Variants in CRISPLD2 observed in about 807,000 individuals in gnomAD.
The protein encoded by CRISPLD2 is cysteine rich secretory protein LCCL domain containing 2.
A neutral mutation model predicts 71.1 loss-of-function variants in CRISPLD2; 47 were observed. The observed-to-expected ratio is 0.66, with a 90% CI of 0.52 to 0.84. The LOEUF is 0.84. Ranked by LOEUF, CRISPLD2 falls within the 40% of genes least tolerant of loss-of-function variation. CRISPLD2 has a pLI of 0.00. For synonymous variants in CRISPLD2, 317 were observed against 250.1 expected (o/e 1.27, Z -2.52); for missense variants, 830 against 651.1 (o/e 1.27, Z -2.99).
At chr16:84,877,550 G>T in intron 12 of CRISPLD2, 40 bp downstream of exon 12, 1 of 1,600,116 alleles carries the variant, frequency 6.2e-7, no homozygotes. Context: ...TATGGAAGAT[G>T]TTAGAAGTAG....
intron 13 of CRISPLD2, among the ~76,000 whole-genome samples, chr16:84,881,687 G>T (rs904724124): frequency 2.0e-5 from 3 of 152,072 alleles, no homozygotes; most frequent in African/African-American, 7.2e-5. Context: ...TGTTGCCCAG[G>T]CTGATCTCGA....
chr16:84,887,365 T>G (rs2071622369), intron 13 of CRISPLD2, among the ~76,000 whole-genome samples: 3 of 152,164 alleles, frequency 2.0e-5, no homozygotes, highest in African/African-American at 7.2e-5. Context: ...GCCTGGGGGC[T>G]CAGTCCACTG....
chr16:84,899,009 C>T (rs955045138), intron 14 of CRISPLD2, among the ~76,000 whole-genome samples: 2 of 152,202 alleles, frequency 1.3e-5, no homozygotes, highest in Non-Finnish European at 2.9e-5. Flanking sequence ...CCTCCCACCT[C>T]AGCCTCCCTA....
chr16:84,900,365 C>G (rs2071742661), intron 14 of CRISPLD2, among the ~76,000 whole-genome samples: 1 of 152,088 alleles, frequency 6.6e-6, no homozygotes, highest in Admixed American at 6.6e-5. Flanking sequence ...TCTGGGGGCT[C>G]TCTTTGTTTG....
Position 84,873,109 on chromosome 16 carries a change from G to A in CRISPLD2, c.1099G>A (p.Val367Met), listed in dbSNP as rs753528852. ...PFFVKSERHG[V>M]QSLSKYKPSS... ...CTTCGTGAAGTCTGAGAGACACGGC[G>A]TGCAGTCCCTCAGGTAACTACTCTG... The change falls in exon 10 of 15, where the codon GTG becomes ATG. Residue 367 changes from valine to methionine, a missense_variant. Coordinates refer to ENST00000262424, the MANE Select transcript of CRISPLD2 (RefSeq NM_031476.4). 64 of 1,613,362 alleles carry A rather than the reference G, an allele frequency of 4.0e-5. No individual in the cohort carries two copies. Among genetic ancestry groups the A allele is most frequent in the Admixed American group, 8.3e-5 (5 of 59,922 alleles).
rs1597490660 is a variant in CRISPLD2 at position 84,905,716 on chromosome 16, T to TG, written c.1440-872_1440-871insG. ...CCTGACCAATAAAGCTCTTTTTTTT[T>TG]TTTTTTTTTGGAGACAAAGTCTTAC... On this transcript the variant is annotated intron_variant, in intron 14 of 14. Coordinates refer to ENST00000262424, the MANE Select transcript of CRISPLD2 (RefSeq NM_031476.4). Among the ~76,000 whole-genome samples the TG allele has an allele frequency of 2.7e-5, 4 of 150,674 alleles. No individual in the cohort carries two copies. In the East Asian group the frequency reaches 5.9e-4, roughly 22 times the overall value.
At chr16:84,863,466 A>G (rs1917444666) in intron 6 of CRISPLD2, among the ~76,000 whole-genome samples, 1 of 152,154 alleles carries the variant, frequency 6.6e-6, no homozygotes, top group Non-Finnish European at 1.5e-5. Flanking sequence ...AGGGATAAGG[A>G]TATAAAAAAA....
At chr16:84,848,943 G>A (rs548583967) in intron 3 of CRISPLD2, among the ~76,000 whole-genome samples, 20 of 133,078 alleles carry the variant, frequency 1.5e-4, no homozygotes, top group African/African-American at 5.6e-4. Flanking sequence ...CCGAGATCCC[G>A]CCACTGCACT....
rs2071815551 is a variant in CRISPLD2 at position 84,907,612 on chromosome 16, C to T, written c.*970C>T. On this transcript the variant is annotated 3_prime_UTR_variant, in exon 15 of 15. Transcript: ENST00000262424. ...ATGTCTGAGAACAACCAAAGAAGGC[C>T]TGCTCTTTGCTGCTTTTAAAAAATG... is the stretch of plus-strand genomic sequence containing the variant. 6.6e-6 allele frequency: 1 copy of T among 152,174 alleles called. No individual in the cohort carries two copies. The highest frequency in any genetic ancestry group is 1.5e-5 in the Non-Finnish European group (1 of 68,036). 9.4% of individuals were successfully genotyped at this position (152,174 alleles called of 1,614,324 possible).
In CRISPLD2 at chr16:84,823,861, A is replaced by G. The variant is rs556909368; in HGVS notation, c.-75+3728A>G. ...ATGAAATCCCACATTTTCAATCCCA[A>G]TTTCTGGAACGTGTTTTATTTTGAG... On this transcript the variant is annotated intron_variant, in intron 1 of 14. Transcript: ENST00000262424. Among the ~76,000 whole-genome samples, 4 of 152,280 alleles carry G rather than the reference A, an allele frequency of 2.6e-5. No individual in the cohort carries two copies. In the South Asian group the frequency reaches 6.2e-4, roughly 24 times the overall value.
At chr16:84,873,518 C>CAAAAAAAAAAAAAAAAAAAAA (rs61561196) in intron 10 of CRISPLD2, 1 of 127,980 alleles carries the variant, frequency 7.8e-6, no homozygotes, top group African/African-American at 3.1e-5. Flanking sequence ...AAAAAAAAAA[C>CAAAAAAAAAAAAAAAAAAAAA]AAAAAAAAAA....
intron 14 of CRISPLD2, among the ~76,000 whole-genome samples, chr16:84,897,155 C>G (rs1054937478): frequency 6.6e-6 from 1 of 152,168 alleles, no homozygotes; most frequent in East Asian, 1.9e-4. Flanking sequence ...TTTAAAGGGC[C>G]TTTCTAGGCC....
rs150582176 is a variant in CRISPLD2, at chr16:84,880,513, C to T, written c.1234C>T (p.His412Tyr). Residue 412 changes from histidine to tyrosine, a missense_variant, in exon 13 of 15, where the codon CAT becomes TAT. Coordinates refer to ENST00000262424, the MANE Select transcript of CRISPLD2 (RefSeq NM_031476.4). ...EKPATHCPRI[H>Y]CPAHCKDEPS... ...TAAATGCTTCCTGTTTTTCAGAATCCATTGTCCGGCACACTGCAAAGACGA... is the reference window on the plus strand; with the variant it reads ...TAAATGCTTCCTGTTTTTCAGAATCTATTGTCCGGCACACTGCAAAGACGA... 10 of 1,610,774 alleles carry T rather than the reference C, an allele frequency of 6.2e-6. No homozygotes were observed. Among genetic ancestry groups the T allele is most frequent in the African/African-American group, 1.3e-5 (1 of 74,770 alleles).
Position 84,846,248 on chromosome 16 carries a change from C to T in CRISPLD2, c.359+344C>T, listed in dbSNP as rs1257084445. 4 of 205,002 alleles carry T rather than the reference C, an allele frequency of 2.0e-5. No homozygotes were observed. The South Asian group carries it at 3.4e-4, about 18-fold the overall frequency. The allele number at this position is 205,002 out of a possible 1,614,324, so 12.7% of individuals were successfully genotyped here. On this transcript the variant is annotated intron_variant, in intron 3 of 14. Coordinates refer to ENST00000262424, the MANE Select transcript of CRISPLD2 (RefSeq NM_031476.4). The stretch of plus-strand genomic sequence containing the variant: ...CTTCCCTCCCTTCCCCTCCCCTCCC[C>T]TCCCCTTCCCTTCCTTCTTTTCTTG...
chr16:84,871,650 C>T (rs944316603), intron 8 of CRISPLD2, among the ~76,000 whole-genome samples: 20 of 151,916 alleles, frequency 1.3e-4, no homozygotes. Flanking sequence ...CTCCAGGGTT[C>T]AAGTGACTTT....
intron 13 of CRISPLD2, among the ~76,000 whole-genome samples, chr16:84,882,649 C>G (rs1034461669): frequency 1.3e-5 from 2 of 152,210 alleles, no homozygotes; most frequent in African/African-American, 4.8e-5. Flanking sequence ...AGGTGATCCA[C>G]CCACCTTGGC....
chr16:84,834,127 C>T (rs950245846), intron 1 of CRISPLD2, among the ~76,000 whole-genome samples: 2 of 152,166 alleles, frequency 1.3e-5, no homozygotes, highest in African/African-American at 2.4e-5. Flanking sequence ...GGACTTCAGC[C>T]TCCTCATCTG....
rs543925737 is a variant in CRISPLD2 at position 84,845,632 on chromosome 16, C to A, written c.241-154C>A. Among the ~76,000 whole-genome samples, 15 of 152,382 alleles carry A rather than the reference C, an allele frequency of 9.8e-5. No individual in the cohort carries two copies. The South Asian group carries it at 1.7e-3, about 17-fold the overall frequency. ...TGGAGCCGGCACGTCTGGCCTGCCA[C>A]GCCCCCCTGGCTGATTTAGGAACCC... On this transcript the variant is annotated intron_variant, in intron 2 of 14. Transcript: ENST00000262424.
At chr16:84,898,813 T>C (rs1170434704) in intron 14 of CRISPLD2, among the ~76,000 whole-genome samples, 1 of 152,142 alleles carries the variant, frequency 6.6e-6, no homozygotes, top group African/African-American at 2.4e-5. Context: ...TCAGAGTTGG[T>C]TGAGGGCTTT....
Sources: gnomAD v4.1 joint callset for allele counts (sites outside exome capture counted in the v4.1 genomes callset) on GRCh38, gnomAD v4.1.1 for gene constraint, MANE v1.5 for transcripts, NCBI Gene and HGNC (gene_info 2026-07-23, HGNC 2026-07-21) for gene names.